LRP1B: variants seen among roughly 807,000 people sequenced by gnomAD.
LRP1B encodes the protein low-density lipoprotein receptor-related protein 1B.
A neutral mutation model predicts 556.6 loss-of-function variants in LRP1B; 217 were observed. The ratio of observed to expected loss-of-function variants is 0.39; its 90% CI spans 0.35 to 0.44. The LOEUF is 0.44. Ranked by LOEUF, LRP1B falls within the 20% of genes least tolerant of loss-of-function variation. LRP1B has a pLI of 1.00. For missense variants in LRP1B, 5,053 were observed against 5,620.8 expected (o/e 0.90, Z 3.23); for synonymous variants, 2,047 against 1,865.8 (o/e 1.10, Z -2.50).
chr2:141,174,133 A>C (rs1260338157), intron 7 of LRP1B, among the ~76,000 whole-genome samples: 2 of 152,124 alleles, frequency 1.3e-5, no homozygotes, highest in African/African-American at 4.8e-5. Flanking sequence ...CCAAGACTCC[A>C]AATCTGGAAA....
At chr2:141,058,136 A>T (rs1275944547) in intron 9 of LRP1B, among the ~76,000 whole-genome samples, 1 of 151,902 alleles carries the variant, frequency 6.6e-6, no homozygotes, top group Non-Finnish European at 1.5e-5. Flanking sequence ...TAATGAATGA[A>T]TAAATCCTAA....
chr2:141,790,372 C>T (rs1695573471), intron 2 of LRP1B, among the ~76,000 whole-genome samples: 1 of 150,946 alleles, frequency 6.6e-6, no homozygotes, highest in Non-Finnish European at 1.5e-5. Flanking sequence ...TATAATTTTT[C>T]TGATCTCAGA....
At chr2:140,362,963 TTGAATGAA>T (rs939033582) in intron 72 of LRP1B, among the ~76,000 whole-genome samples, 4 of 151,704 alleles carry the variant, frequency 2.6e-5, no homozygotes, top group African/African-American at 7.2e-5. Context: ...CAAATGTCTA[TTGAATGAA>T]TGAATGAATG....
chr2:140,402,719 C>T (rs1684561669), intron 66 of LRP1B, among the ~76,000 whole-genome samples: 1 of 152,172 alleles, frequency 6.6e-6, no homozygotes, highest in African/African-American at 2.4e-5. Context: ...CCCAGCCACC[C>T]TCATAAAGGC....
Position 141,810,550 on chromosome 2 carries a change from A to T in LRP1B, c.83-149T>A, listed in dbSNP as rs369452561. 5.4e-5 allele frequency: 43 copies of T among 794,942 alleles called. No homozygotes were observed. In the East Asian group the frequency reaches 1.1e-3, roughly 20 times the overall value. 49.2% of individuals were successfully genotyped at this position (794,942 alleles called of 1,614,324 possible). A position where few individuals can be genotyped will look rare whatever the true frequency, so the allele number is the denominator to read the frequency against. ...GTTCGGCAGCAAAGACAAACCAATT[A>T]TTTTTCTTAATTTTAACCACTCAGC... On this transcript the variant is annotated intron_variant, in intron 1 of 90. Transcript: ENST00000389484.
intron 58 of LRP1B, 70 bp downstream of exon 58, chr2:140,487,547 A>C: frequency 6.9e-7 from 1 of 1,440,098 alleles, no homozygotes; most frequent in Non-Finnish European, 9.6e-7. Flanking sequence ...GTCATAAAAT[A>C]ACATTTTCTA....
At chr2:140,815,754 G>A (rs1691094891) in intron 31 of LRP1B, among the ~76,000 whole-genome samples, 1 of 152,048 alleles carries the variant, frequency 6.6e-6, no homozygotes, top group Non-Finnish European at 1.5e-5. Flanking sequence ...AGAAGCTAGG[G>A]AGTATATGGG....
intron 32 of LRP1B, among the ~76,000 whole-genome samples, chr2:140,813,086 C>A (rs1014018058): frequency 1.3e-5 from 2 of 152,176 alleles, no homozygotes; most frequent in Admixed American, 1.3e-4. Context: ...CCATACCTCC[C>A]TTTTAGCTTC....
At position 140,869,668 on chromosome 2, in the gene LRP1B, T is replaced by C. The variant is rs371992377; in HGVS notation, c.4170-1405A>G. ...TTCAAAATATAATTTGAAGGTAGAA[T>C]TGTCAGGACTAGCTGATGGACTGGG... On this transcript the variant is annotated intron_variant, in intron 25 of 90. Transcript: ENST00000389484. Among the ~76,000 whole-genome samples, 8 of 152,110 alleles carry C rather than the reference T, an allele frequency of 5.3e-5. No homozygotes were observed. In the South Asian group the frequency reaches 1.2e-3, roughly 24 times the overall value.
At chr2:142,115,457 C>T (rs1251508052) in intron 1 of LRP1B, among the ~76,000 whole-genome samples, 1 of 88,342 alleles carries the variant, frequency 1.1e-5, no homozygotes, top group Non-Finnish European at 2.2e-5. Context: ...GAGTCTATAC[C>T]TATATATATA....
chr2:140,804,442 C>A (rs900895670), intron 32 of LRP1B, among the ~76,000 whole-genome samples: 3 of 151,398 alleles, frequency 2.0e-5, no homozygotes, highest in African/African-American at 7.3e-5. Context: ...TTAAATTTTT[C>A]TCTTATTTAA....
At chr2:140,566,560 T>C (rs1465807116) in intron 43 of LRP1B, among the ~76,000 whole-genome samples, 1 of 152,134 alleles carries the variant, frequency 6.6e-6, no homozygotes, top group Non-Finnish European at 1.5e-5. Flanking sequence ...CAGTTGCTGC[T>C]GAGATTTGCC....
chr2:141,949,431 T>G (rs1701047465), intron 1 of LRP1B, among the ~76,000 whole-genome samples: 1 of 152,050 alleles, frequency 6.6e-6, no homozygotes, highest in Admixed American at 6.6e-5. Context: ...TCGCTCTGTC[T>G]CCAGGCTGGA....
intron 7 of LRP1B, among the ~76,000 whole-genome samples, chr2:141,133,314 T>A (rs1701408777): frequency 6.8e-6 from 1 of 146,112 alleles, no homozygotes; most frequent in Non-Finnish European, 1.5e-5. Flanking sequence ...TCCACAATAC[T>A]GTATGCCATT....
chr2:141,401,793 T>A (rs1393835547), intron 3 of LRP1B, among the ~76,000 whole-genome samples: 1 of 152,144 alleles, frequency 6.6e-6, no homozygotes, highest in Non-Finnish European at 1.5e-5. Flanking sequence ...GGGGGAAAAA[T>A]ACCTGGCACT....
chr2:141,291,834 C>A (rs536503850), intron 3 of LRP1B, among the ~76,000 whole-genome samples: 247 of 116,914 alleles, frequency 2.1e-3, no homozygotes, highest in African/African-American at 8.0e-3. Flanking sequence ...CCAGCCTGGG[C>A]GAAAGAGCGA....
chr2:140,623,327 G>A (rs1159189125), intron 41 of LRP1B, among the ~76,000 whole-genome samples: 1 of 151,920 alleles, frequency 6.6e-6, no homozygotes, highest in Non-Finnish European at 1.5e-5. Context: ...AAGCAATAAA[G>A]TTGACCCCCT....
intron 1 of LRP1B, among the ~76,000 whole-genome samples, chr2:141,891,760 T>C (rs1461589464): frequency 6.6e-6 from 1 of 152,116 alleles, no homozygotes; most frequent in African/African-American, 2.4e-5. Flanking sequence ...TACTTAGATA[T>C]ACATCTGCTA....
intron 66 of LRP1B, among the ~76,000 whole-genome samples, chr2:140,408,529 A>G (rs984223742): frequency 6.6e-6 from 1 of 151,838 alleles, no homozygotes; most frequent in Non-Finnish European, 1.5e-5. Context: ...TTGGAGGGTA[A>G]GAAGTGCTAA....
Sources: allele counts gnomAD v4.1 joint callset (sites outside exome capture counted in the v4.1 genomes callset), GRCh38; gene constraint gnomAD v4.1.1; transcripts MANE v1.5; gene names NCBI Gene and HGNC (gene_info 2026-07-23, HGNC 2026-07-21).